Variants in KLF8 observed in about 807,000 individuals in gnomAD.
KLF8 encodes the protein Krueppel-like factor 8.
A neutral mutation model predicts 18.2 loss-of-function variants in KLF8; 10 were observed. The observed-to-expected ratio is 0.55, with a 90% confidence interval of 0.34 to 0.93. KLF8 has a LOEUF of 0.93. Among genes scored for constraint, KLF8 ranks in the 40% least tolerant of loss-of-function variants. KLF8 has a pLI of 0.02. For missense variants in KLF8, 264 were observed against 277.9 expected (o/e 0.95, Z 0.36); for synonymous variants, 109 against 97.3 (o/e 1.12, Z -0.71).
the KLF8 span, among the ~76,000 whole-genome samples, chrX:55,956,266 T>G: frequency 9.0e-6 from 1 of 110,947 alleles, no homozygotes; most frequent in South Asian, 3.8e-4. Context: ...TAACCTTCAC[T>G]AATTCAAAGA....
chrX:55,955,579 C>T, the KLF8 span, among the ~76,000 whole-genome samples: 1 of 111,192 alleles, frequency 9.0e-6, no homozygotes, highest in East Asian at 2.8e-4. Flanking sequence ...ATTGAGCAAA[C>T]AAAAAATGTT....
At chrX:56,270,951 G>A (rs761334174) in intron 5 of KLF8, among the ~76,000 whole-genome samples, 5 of 111,912 alleles carry the variant, frequency 4.5e-5, no homozygotes, top group South Asian at 7.5e-4. Flanking sequence ...TTCCACATCC[G>A]TGGATTCAAC....
chrX:55,998,599 G>C, the KLF8 span, among the ~76,000 whole-genome samples: 11 of 111,896 alleles, frequency 9.8e-5, no homozygotes, highest in East Asian at 2.8e-3. Flanking sequence ...AGAGAGCATG[G>C]TGTTGGGGGT....
chrX:56,172,008 A>G, the KLF8 span, among the ~76,000 whole-genome samples: 1 of 110,922 alleles, frequency 9.0e-6, no homozygotes, highest in Non-Finnish European at 1.9e-5. Flanking sequence ...AAGCATTCCT[A>G]TTTCTCCACA....
chrX:56,126,449 C>T, the KLF8 span, among the ~76,000 whole-genome samples: 2 of 112,036 alleles, frequency 1.8e-5, no homozygotes, highest in Admixed American at 9.5e-5. Context: ...TATTCTAACA[C>T]ATCAGCTAGA....
At chrX:56,154,375 T>A in the KLF8 span, among the ~76,000 whole-genome samples, 9 of 111,875 alleles carry the variant, frequency 8.0e-5, no homozygotes, top group Non-Finnish European at 1.5e-4. Context: ...ATTTAACAAA[T>A]GGTGCTGGGA....
the KLF8 span, among the ~76,000 whole-genome samples, chrX:56,048,391 T>A: frequency 8.0e-5 from 9 of 112,069 alleles, no homozygotes; most frequent in African/African-American, 2.9e-4. Context: ...TAGGGTTTTT[T>A]TGGTTTTAGG....
the KLF8 span, among the ~76,000 whole-genome samples, chrX:55,923,439 C>A: frequency 1.8e-5 from 2 of 110,651 alleles, no homozygotes; most frequent in African/African-American, 6.6e-5. Context: ...CATCATGGCA[C>A]ACATTTACCT....
chrX:56,004,373 G>A, the KLF8 span, among the ~76,000 whole-genome samples: 21 of 111,993 alleles, frequency 1.9e-4, no homozygotes, highest in African/African-American at 6.2e-4. Context: ...TTGGGGGAGA[G>A]TTTAATACTG....
chrX:55,966,675 T>A, the KLF8 span, among the ~76,000 whole-genome samples: 1 of 111,705 alleles, frequency 9.0e-6, no homozygotes, highest in African/African-American at 3.3e-5. Flanking sequence ...AAGCCCAGAC[T>A]GCAAAGACTG....
the KLF8 span, among the ~76,000 whole-genome samples, chrX:56,024,491 C>T: frequency 9.0e-6 from 1 of 111,707 alleles, no homozygotes; most frequent in South Asian, 3.7e-4. Context: ...CAAAACCCCA[C>T]AGACACCAAG....
chrX:56,207,192 A>G, the KLF8 span, among the ~76,000 whole-genome samples: 1 of 112,169 alleles, frequency 8.9e-6, no homozygotes, highest in African/African-American at 3.2e-5. Context: ...TGCTGTGAAG[A>G]CCTCTGACAT....
chrX:56,144,756 CAA>C, the KLF8 span, among the ~76,000 whole-genome samples: 11 of 64,510 alleles, frequency 1.7e-4, no homozygotes, highest in African/African-American at 2.0e-4. Context: ...CTGTCTCACA[CAA>C]AAAAAAAAAA....
At chrX:55,965,341 G>T in the KLF8 span, among the ~76,000 whole-genome samples, 1 of 111,847 alleles carries the variant, frequency 8.9e-6, no homozygotes, top group Admixed American at 9.5e-5. Flanking sequence ...GTATTCCTTC[G>T]TGTTAAGAAC....
At chrX:56,185,418 G>A in the KLF8 span, among the ~76,000 whole-genome samples, 13 of 112,118 alleles carry the variant, frequency 1.2e-4, no homozygotes, top group South Asian at 3.7e-4. Context: ...TGAAAGTGAC[G>A]GGGAGAATGG....
the KLF8 span, among the ~76,000 whole-genome samples, chrX:55,925,758 G>A: frequency 8.9e-6 from 1 of 111,889 alleles, no homozygotes; most frequent in Non-Finnish European, 1.9e-5. Flanking sequence ...ATCAAGGGCA[G>A]AAAGGAGAGA....
chrX:56,110,988 C>G, the KLF8 span, among the ~76,000 whole-genome samples: 1 of 111,706 alleles, frequency 9.0e-6, no homozygotes, highest in South Asian at 3.8e-4. Context: ...CCAAGGGACT[C>G]TCTCTACCAT....
chrX:56,140,401 A>G, the KLF8 span, among the ~76,000 whole-genome samples: 2 of 112,151 alleles, frequency 1.8e-5, no homozygotes, highest in East Asian at 5.6e-4. Context: ...CATGATACGT[A>G]TGCATGATGG....
the KLF8 span, among the ~76,000 whole-genome samples, chrX:55,944,915 G>T: frequency 9.0e-6 from 1 of 110,694 alleles, no homozygotes; most frequent in Non-Finnish European, 1.9e-5. Flanking sequence ...TCTTTTAATT[G>T]TGATGTTAGG....
Sources: allele counts gnomAD v4.1 joint callset (sites outside exome capture counted in the v4.1 genomes callset), GRCh38; gene constraint gnomAD v4.1.1; transcripts MANE v1.5; gene names NCBI Gene and HGNC (gene_info 2026-07-23, HGNC 2026-07-21).